The following GABPB1 variants were observed in gnomAD, a reference collection of about 807,000 sequenced individuals.
The protein encoded by GABPB1 is GA binding protein transcription factor subunit beta 1.
A neutral mutation model predicts 45.9 loss-of-function variants in GABPB1; 15 were observed. That is an observed-to-expected ratio of 0.33 (90% CI 0.22 to 0.50). GABPB1 has a LOEUF of 0.50. GABPB1 is among the 20% of genes least tolerant of loss of function. The pLI, the probability that GABPB1 is intolerant of heterozygous loss-of-function variation, is 0.98. For synonymous variants in GABPB1, 143 were observed against 154.4 expected, an observed-to-expected ratio of 0.93 and a Z score of 0.55; for missense variants, 252 against 457.5, an observed-to-expected ratio of 0.55 and a Z score of 4.10.
chr15:50,325,707 A>G (rs1174265682), intron 1 of GABPB1, among the ~76,000 whole-genome samples: 1 of 149,382 alleles, frequency 6.7e-6, no homozygotes, highest in African/African-American at 2.5e-5. Flanking sequence ...AATTTTTTGT[A>G]TTTTTAGTAG....
intron 5 of GABPB1, 140 bp from the exon 6 acceptor site, chr15:50,301,042 T>C: frequency 1.2e-6 from 1 of 816,322 alleles, no homozygotes; most frequent in Non-Finnish European, 1.9e-6. Context: ...CAGTAAATTT[T>C]GTAATATCAC....
At chr15:50,298,319 C>T (rs572140503) in intron 6 of GABPB1, among the ~76,000 whole-genome samples, 50 of 152,126 alleles carry the variant, frequency 3.3e-4, no homozygotes, top group Non-Finnish European at 6.5e-4. Flanking sequence ...CTTCTGAACT[C>T]AAGTGATCTG....
intron 1 of GABPB1, among the ~76,000 whole-genome samples, chr15:50,315,139 T>A (rs1184305933): frequency 6.6e-6 from 1 of 152,180 alleles, no homozygotes; most frequent in Non-Finnish European, 1.5e-5. Context: ...TGATTTTCTT[T>A]CTTTTCTTTT....
In GABPB1 at chr15:50,277,406, G is replaced by C. The variant is rs1258219751; in HGVS notation, c.*1226C>G. ...AATAAAACACTGAAAAATAAAGCAA[G>C]AAAAAGGGGTTTGAAGTAATATTTT... On this transcript the variant is annotated 3_prime_UTR_variant, in exon 9 of 9. Coordinates refer to ENST00000380877, the MANE Select transcript of GABPB1 (RefSeq NM_016654.5). The C allele has an allele frequency of 1.4e-5, 2 of 146,174 alleles. No homozygotes were observed. The highest frequency in any genetic ancestry group is 4.0e-4 in the East Asian group (2 of 5,062). 9.1% of individuals were successfully genotyped at this position (146,174 alleles called of 1,614,324 possible). A position where few individuals can be genotyped will look rare whatever the true frequency, so the allele number is the denominator to read the frequency against.
intron 1 of GABPB1, chr15:50,353,701 C>G (rs2048951711): frequency 6.6e-6 from 1 of 151,894 alleles, no homozygotes; most frequent in Non-Finnish European, 1.5e-5. Flanking sequence ...AAATTTAAAC[C>G]AAGCTGGGTG....
intron 1 of GABPB1, among the ~76,000 whole-genome samples, chr15:50,348,230 TCA>T (rs2048674590): frequency 6.6e-6 from 1 of 152,020 alleles, no homozygotes; most frequent in Non-Finnish European, 1.5e-5. Context: ...TAAAATAGAA[TCA>T]CAGTCAGGAC....
At chr15:50,290,954 A>T (rs1162434360) in intron 6 of GABPB1, among the ~76,000 whole-genome samples, 1 of 152,230 alleles carries the variant, frequency 6.6e-6, no homozygotes, top group South Asian at 2.1e-4. Context: ...CCCAAAAGAC[A>T]TGTAGAAGAA....
At chr15:50,293,931 A>G (rs1335464575) in intron 6 of GABPB1, among the ~76,000 whole-genome samples, 1 of 152,224 alleles carries the variant, frequency 6.6e-6, no homozygotes, top group Non-Finnish European at 1.5e-5. Flanking sequence ...GAGAAAGCCT[A>G]AAAACTCTTA....
intron 1 of GABPB1, chr15:50,348,800 T>C (rs767468303): frequency 5.9e-5 from 9 of 152,098 alleles, no homozygotes; most frequent in Admixed American, 1.3e-4. Context: ...AGGCGCAGAT[T>C]GCACTGAGCT....
At chr15:50,352,466 C>A (rs931136215) in intron 1 of GABPB1, 2 of 152,046 alleles carry the variant, frequency 1.3e-5, no homozygotes, top group African/African-American at 4.8e-5. Flanking sequence ...TCCCGAGTAG[C>A]TGGGATTACA....
intron 8 of GABPB1, among the ~76,000 whole-genome samples, chr15:50,283,544 T>C (rs1053198216): frequency 3.3e-5 from 5 of 151,368 alleles, no homozygotes; most frequent in African/African-American, 9.7e-5. Context: ...TTTGTCTCAC[T>C]CTGTCACCCA....
intron 1 of GABPB1, among the ~76,000 whole-genome samples, chr15:50,337,089 A>G (rs1383126825): frequency 8.7e-4 from 3 of 3,450 alleles, no homozygotes; most frequent in Non-Finnish European, 4.4e-4. Flanking sequence ...ATATATATAT[A>G]TATATATATA....
rs550503232 is a variant in GABPB1 at position 50,277,205 on chromosome 15, C to T, written c.*1427G>A. The T allele has an allele frequency of 1.3e-5, 2 of 152,170 alleles. No individual in the cohort carries two copies. Among genetic ancestry groups the T allele is most frequent in the South Asian group, 4.1e-4 (2 of 4,822 alleles). 9.4% of individuals were successfully genotyped at this position (152,170 alleles called of 1,614,324 possible). On this transcript the variant is annotated 3_prime_UTR_variant, in exon 9 of 9. Transcript: ENST00000380877. ...GTGGCTCAAATATGCAGTAGGATAA[C>T]ATTTTTAATGTGTTAATAAGATGTG... is the stretch of plus-strand genomic sequence containing the variant.
chr15:50,302,383 C>T (rs1030891526), intron 4 of GABPB1, among the ~76,000 whole-genome samples: 1 of 152,012 alleles, frequency 6.6e-6, no homozygotes, highest in African/African-American at 2.4e-5. Flanking sequence ...TGGCTCACGC[C>T]TGTAATCCCA....
chr15:50,341,044 C>A lies in GABPB1; in HGVS notation c.-1+13941G>T, dbSNP rs185658106. On this transcript the variant is annotated intron_variant, in intron 1 of 8. Transcript: ENST00000380877. ...ATTACATATGGTTTATTACATACTC[C>A]TCTCAGTCTGTTTTAAATTTGTATA... Among the ~76,000 whole-genome samples the A allele has an allele frequency of 6.0e-5, 9 of 150,674 alleles. No homozygotes were observed. The East Asian group carries it at 1.7e-3, about 29-fold the overall frequency.
chr15:50,298,777 C>T (rs1000856382), intron 6 of GABPB1, among the ~76,000 whole-genome samples: 14 of 151,968 alleles, frequency 9.2e-5, no homozygotes, highest in Non-Finnish European at 1.9e-4. Context: ...CATGGTGAAA[C>T]CCCGTCCCTA....
chr15:50,324,903 T>C (rs903107737), intron 1 of GABPB1, among the ~76,000 whole-genome samples: 1 of 151,924 alleles, frequency 6.6e-6, no homozygotes, highest in African/African-American at 2.4e-5. Flanking sequence ...GTTAAGAAAA[T>C]AAAGGAGGTT....
chr15:50,300,930 AT>A, intron 5 of GABPB1, 28 bp from the exon 6 acceptor site: 2 of 1,324,024 alleles, frequency 1.5e-6, no homozygotes, highest in Non-Finnish European at 2.2e-6. Flanking sequence ...ATAGATTTGA[AT>A]TTCTAAGGAG....
intron 1 of GABPB1, among the ~76,000 whole-genome samples, chr15:50,343,623 C>T (rs1260729967): frequency 6.6e-6 from 1 of 152,074 alleles, no homozygotes; most frequent in Non-Finnish European, 1.5e-5. Flanking sequence ...ACTGCAGCCT[C>T]CACCTCCCAG....
Sources: allele counts gnomAD v4.1 joint callset (sites outside exome capture counted in the v4.1 genomes callset), GRCh38; gene constraint gnomAD v4.1.1; transcripts MANE v1.5; gene names NCBI Gene and HGNC (gene_info 2026-07-23, HGNC 2026-07-21).